The following CTNNA2 variants were observed in gnomAD, a reference collection of about 807,000 sequenced individuals.
CTNNA2 encodes the protein catenin alpha 2, also known as catenin alpha-2.
A neutral mutation model predicts 101.0 loss-of-function variants in CTNNA2; 42 were observed. The observed-to-expected ratio is 0.42, with a 90% CI of 0.32 to 0.54. The LOEUF is 0.54. Among genes scored for constraint, CTNNA2 ranks in the 20% least tolerant of loss-of-function variants. The probability of loss-of-function intolerance (pLI) is 0.14; values close to 1 mark genes in which losing one functional copy is unlikely to be tolerated. For missense variants in CTNNA2, 871 were observed against 1,223.1 expected, an observed-to-expected ratio of 0.71 and a Z score of 4.29; for synonymous variants, 450 against 456.4, an observed-to-expected ratio of 0.99 and a Z score of 0.18.
chr2:79,532,918 A>G (rs1672831954), intron 1 of CTNNA2, among the ~76,000 whole-genome samples: 1 of 152,064 alleles, frequency 6.6e-6, no homozygotes, highest in South Asian at 2.1e-4. Flanking sequence ...ACTCAAGCTC[A>G]TAGCTCCCAT....
chr2:79,390,117 A>G (rs1009830976), intron 4 of CTNNA2, among the ~76,000 whole-genome samples: 4 of 152,180 alleles, frequency 2.6e-5, no homozygotes, highest in Admixed American at 6.5e-5. Context: ...CAGGGACCCA[A>G]GAGAAAGCCT....
intron 7 of CTNNA2, among the ~76,000 whole-genome samples, chr2:80,157,180 T>C (rs62140136): frequency 0.04 from 6,047 of 152,272 alleles, 134 homozygotes; most frequent in African/African-American, 0.049. Context: ...GAAAAATATG[T>C]TCTTTCATCC....
At chr2:80,094,018 C>G (rs1157609595) in intron 7 of CTNNA2, among the ~76,000 whole-genome samples, 1 of 152,126 alleles carries the variant, frequency 6.6e-6, no homozygotes, top group Non-Finnish European at 1.5e-5. Context: ...AATTAGATCC[C>G]ATTTTTCAAT....
chr2:80,348,841 G>A (rs1426103073), intron 7 of CTNNA2, among the ~76,000 whole-genome samples: 1 of 152,044 alleles, frequency 6.6e-6, no homozygotes, highest in Admixed American at 6.6e-5. Flanking sequence ...TAGGTGCGCT[G>A]GGTAGGGTAG....
intron 1 of CTNNA2, among the ~76,000 whole-genome samples, chr2:79,636,354 G>A (rs1458965716): frequency 6.7e-6 from 1 of 150,194 alleles, no homozygotes; most frequent in African/African-American, 2.4e-5. Context: ...GTAAGACACT[G>A]ACATGAATGA....
intron 7 of CTNNA2, among the ~76,000 whole-genome samples, chr2:80,263,435 A>T (rs959134006): frequency 6.6e-6 from 1 of 152,152 alleles, no homozygotes; most frequent in Non-Finnish European, 1.5e-5. Flanking sequence ...CCTGGGTTCA[A>T]GTAATTCTTC....
chr2:80,022,920 T>G (rs1694672246), intron 7 of CTNNA2, among the ~76,000 whole-genome samples: 1 of 152,108 alleles, frequency 6.6e-6, no homozygotes, highest in African/African-American at 2.4e-5. Context: ...CGTTGGGAGC[T>G]TTACCAAGCC....
chr2:79,556,623 A>C (rs191125476), intron 1 of CTNNA2, among the ~76,000 whole-genome samples: 1 of 152,160 alleles, frequency 6.6e-6, no homozygotes, highest in Admixed American at 6.6e-5. Flanking sequence ...TGCAGCCCAT[A>C]CCACACTTAG....
At chr2:80,395,759 A>G (rs1677954967) in intron 8 of CTNNA2, among the ~76,000 whole-genome samples, 1 of 152,240 alleles carries the variant, frequency 6.6e-6, no homozygotes, top group African/African-American at 2.4e-5. Flanking sequence ...AGATAAATGT[A>G]TGCTAGAGCA....
chr2:79,661,817 C>T (rs1682055741), intron 2 of CTNNA2, among the ~76,000 whole-genome samples: 1 of 151,810 alleles, frequency 6.6e-6, no homozygotes, highest in African/African-American at 2.4e-5. Flanking sequence ...CTTCTTGTGT[C>T]AACTTGGTAA....
chr2:79,791,150 T>C (rs1206710149), intron 3 of CTNNA2, among the ~76,000 whole-genome samples: 1 of 152,138 alleles, frequency 6.6e-6, no homozygotes, highest in Non-Finnish European at 1.5e-5. Flanking sequence ...TTAAATAATA[T>C]GTTTAGCCCC....
At chr2:80,173,471 A>G (rs1397034266) in intron 7 of CTNNA2, among the ~76,000 whole-genome samples, 1 of 152,214 alleles carries the variant, frequency 6.6e-6, no homozygotes, top group Non-Finnish European at 1.5e-5. Context: ...ATTAGAGGAG[A>G]GTAATTATAA....
chr2:80,336,036 A>C (rs1671740346), intron 7 of CTNNA2, among the ~76,000 whole-genome samples: 1 of 152,172 alleles, frequency 6.6e-6, no homozygotes, highest in South Asian at 2.1e-4. Flanking sequence ...AAATTGAAGA[A>C]ATTGTATAGT....
rs560804023 is a variant in CTNNA2 at position 80,245,112 on chromosome 2, C to T, written c.1057-148099C>T. Among the ~76,000 whole-genome samples the T allele has an allele frequency of 2.6e-5, 4 of 152,310 alleles. No homozygotes were observed. In the South Asian group the frequency reaches 8.3e-4, roughly 32 times the overall value. On this transcript the variant is annotated intron_variant, in intron 7 of 18. Coordinates refer to ENST00000402739, the MANE Select transcript of CTNNA2 (RefSeq NM_001282597.3). ...CCTTTTTGAATTCATTATCTCAAGG[C>T]AGCATTTGGTTTGGAAAGCCGGGGC... is the stretch of plus-strand genomic sequence containing the variant.
intron 2 of CTNNA2, among the ~76,000 whole-genome samples, chr2:79,268,632 A>G (rs1260570602): frequency 6.6e-6 from 1 of 152,072 alleles, no homozygotes; most frequent in Non-Finnish European, 1.5e-5. Context: ...TGAGGAACAG[A>G]GGCCTCAACC....
In CTNNA2 at chr2:80,619,193, G is replaced by A; in HGVS notation, c.2539G>A (p.Ala847Thr). Residue 847 changes from alanine to threonine, a missense_variant, in exon 18 of 19, where the codon GCT becomes ACT. By Grantham distance (58) the Ala-to-Thr change is moderately conservative (BLOSUM62 0). This residue lies in a region of CTNNA2 where 65 missense variants were observed against 53.3 expected (regional missense o/e 1.22). Coordinates refer to ENST00000402739, the MANE Select transcript of CTNNA2 (RefSeq NM_001282597.3). ...CCACCTCCCAACCTGTGCTGAGGGA[G>A]CTCCGATCGGGAGTGGAAGCAGTGA... ...STHLPTCAEG[A>T]PIGSGSSDSS... The A allele has an allele frequency of 6.3e-7, 1 of 1,586,500 alleles. No individual in the cohort carries two copies. Among genetic ancestry groups the A allele is most frequent in the Non-Finnish European group, 8.6e-7 (1 of 1,166,132 alleles).
chr2:79,425,479 G>T (rs1678583153), intron 4 of CTNNA2, among the ~76,000 whole-genome samples: 1 of 152,132 alleles, frequency 6.6e-6, no homozygotes, highest in Non-Finnish European at 1.5e-5. Flanking sequence ...AGGTTCAGTT[G>T]TCTGGTAAGG....
chr2:79,376,480 T>C (rs1276691290), intron 4 of CTNNA2, among the ~76,000 whole-genome samples: 1 of 151,608 alleles, frequency 6.6e-6, no homozygotes, highest in African/African-American at 2.4e-5. Flanking sequence ...TTTTTTGAAA[T>C]TTTTCTAATT....
intron 2 of CTNNA2, among the ~76,000 whole-genome samples, chr2:79,268,666 G>A (rs982805587): frequency 6.6e-6 from 1 of 152,256 alleles, no homozygotes; most frequent in East Asian, 1.9e-4. Flanking sequence ...GTTATCTCCA[G>A]CAGCTAGTGT....
Sources: gnomAD v4.1 joint callset for allele counts (sites outside exome capture counted in the v4.1 genomes callset) on GRCh38, gnomAD v4.1.1 for gene constraint, gnomAD v4.1.1 regional missense constraint, MANE v1.5 for transcripts, NCBI Gene and HGNC (gene_info 2026-07-23, HGNC 2026-07-21) for gene names.